Variants in SPATA31A6 observed in about 807,000 individuals in gnomAD.
SPATA31A6 encodes the protein SPATA31 subfamily A member 6.
A neutral mutation model predicts 11.9 loss-of-function variants in SPATA31A6; 9 were observed. That is an observed-to-expected ratio of 0.76 (90% confidence interval 0.46 to 1.32). SPATA31A6 has a LOEUF of 1.32. Among genes scored for constraint, SPATA31A6 ranks in the 40% most tolerant of loss-of-function variants. SPATA31A6 has a pLI of 0.00. For missense variants in SPATA31A6, 855 were observed against 1,467.3 expected (o/e 0.58, Z 6.82); for synonymous variants, 314 against 572.1 (o/e 0.55, Z 6.44).
chr9:42,189,174 C>T lies in SPATA31A6; in HGVS notation c.3472C>T (p.His1158Tyr). The change falls in exon 4 of 4, where the codon CAC becomes TAC. Residue 1158 changes from histidine to tyrosine, a missense_variant. Physicochemically the swap from His to Tyr is moderately conservative, Grantham distance 83. Coordinates refer to ENST00000332857, the MANE Select transcript of SPATA31A6 (RefSeq NM_001145196.1). ...PSKKQPPSVSHFGENIKQFFQ... is the reference protein window; with the variant it reads ...PSKKQPPSVSYFGENIKQFFQ... ...AAAGAAACAGCCTCCTTCAGTAAGC[C>T]ACTTTGGAGAAAACATCAAGCAATT... The T allele has an allele frequency of 6.5e-7, 1 of 1,543,992 alleles. No individual in the cohort carries two copies. The highest frequency in any genetic ancestry group is 8.8e-7 in the Non-Finnish European group (1 of 1,138,446).
At position 42,187,689 on chromosome 9, in the gene SPATA31A6, C is replaced by A. The variant is rs537119804; in HGVS notation, c.1987C>A (p.Leu663Met). The change falls in exon 4 of 4, where the codon CTG becomes ATG. Residue 663 changes from leucine to methionine, a missense_variant. Transcript: ENST00000332857. The stretch of plus-strand genomic sequence containing the variant: ...GGTGAAGTTCCAGCTAGAGAGGGAC[C>A]TGTGCCCACATCTGGGGCAAATTCT... ...QKVKFQLERDLCPHLGQILGE... is the reference protein window; with the variant it reads ...QKVKFQLERDMCPHLGQILGE... 1.9e-5 allele frequency: 29 copies of A among 1,520,972 alleles called. 4 individuals carry two copies. In the South Asian group the frequency reaches 3.1e-4, roughly 17 times the overall value. The allele number at this position is 1,520,972 out of a possible 1,614,324, so 94.2% of individuals were successfully genotyped here.
At position 42,186,884 on chromosome 9, in the gene SPATA31A6, A is replaced by G. The variant is rs756615829; in HGVS notation, c.1182A>G (p.Gly394=). The G allele has an allele frequency of 2.6e-6, 4 of 1,537,332 alleles. No homozygotes were observed. In the African/African-American group the frequency reaches 4.6e-5, roughly 18 times the overall value. ...GAGAGAACTCGAAACAGCTGCCCGG[A>G]CCTCAGAAGTGCTCAGATCCTAGGC... ...NMGENSKQLP[G]PQKCSDPRLL... The change falls in exon 4 of 4, where the codon GGA becomes GGG. Residue 394 remains glycine (G), a synonymous_variant. Transcript: ENST00000332857.
At position 42,186,708 on chromosome 9, in the gene SPATA31A6, G is replaced by A; in HGVS notation, c.1006G>A (p.Ala336Thr). 1 of 1,531,104 alleles carries A rather than the reference G, an allele frequency of 6.5e-7. No homozygotes were observed. The highest frequency in any genetic ancestry group is 8.8e-7 in the Non-Finnish European group (1 of 1,139,506). 94.8% of individuals were successfully genotyped at this position (1,531,104 alleles called of 1,614,324 possible). A position where few individuals can be genotyped will look rare whatever the true frequency, so the allele number is the denominator to read the frequency against. ...NVVGIQVTET[A>T]KVNIWEEKEN... Reference sequence around the variant, plus strand: ...CGTGGGGATACAAGTCACAGAAACAGCCAAGGTCAACATTTGGGAAGAAAA... The same window carrying A: ...CGTGGGGATACAAGTCACAGAAACAACCAAGGTCAACATTTGGGAAGAAAA... The change falls in exon 4 of 4, where the codon GCC becomes ACC. Residue 336 changes from alanine (A) to threonine (T), a missense_variant. Physicochemically the swap from Ala to Thr is moderately conservative, Grantham distance 58. Transcript: ENST00000332857.
Position 42,188,906 on chromosome 9 carries a change from A to G in SPATA31A6, c.3204A>G (p.Leu1068=), listed in dbSNP as rs760178379. Residue 1068 remains leucine (L), a synonymous_variant, in exon 4 of 4, where the codon CTA becomes CTG. Coordinates refer to ENST00000332857, the MANE Select transcript of SPATA31A6 (RefSeq NM_001145196.1). ...PTGNMRASQE[L]HDLMAARRSK... ...GGAACATGCGGGCTTCCCAGGAGCT[A>G]CATGACCTCATGGCAGCCAGAAGGA... is the stretch of plus-strand genomic sequence containing the variant. The G allele has an allele frequency of 1.3e-6, 2 of 1,539,940 alleles. No individual in the cohort carries two copies. Among genetic ancestry groups the G allele is most frequent in the East Asian group, 2.4e-5 (1 of 41,980 alleles).
chr9:42,189,260 A>G lies in SPATA31A6; in HGVS notation c.3558A>G (p.Gln1186=), dbSNP rs1293087491. The G allele has an allele frequency of 1.9e-6, 3 of 1,560,442 alleles. No individual in the cohort carries two copies. The highest frequency in any genetic ancestry group is 2.6e-6 in the Non-Finnish European group (3 of 1,151,102). Residue 1186 remains glutamine, a synonymous_variant, in exon 4 of 4, where the codon CAA becomes CAG. Transcript: ENST00000332857. The part of the protein sequence containing the change: ...SKPAPVTAES[Q]KTVKNRSCVY... ...CAGCACCAGTCACTGCTGAGAGCCA[A>G]AAAACAGTAAAAAACAGATCATGTG...
rs1307275303 is a variant in SPATA31A6, at chr9:42,189,290, C to T, written c.3588C>T (p.Tyr1196=). The change falls in exon 4 of 4, where the codon TAC becomes TAT. Residue 1196 remains tyrosine, a synonymous_variant. Coordinates refer to ENST00000332857, the MANE Select transcript of SPATA31A6 (RefSeq NM_001145196.1). ...CAGTAAAAAACAGATCATGTGTGTA[C>T]AGCAGCAGTGCTGAAGCTCAGGGTC... is the stretch of plus-strand genomic sequence containing the variant. The part of the protein sequence containing the change: ...QKTVKNRSCV[Y]SSSAEAQGLM... The T allele has an allele frequency of 5.8e-6, 9 of 1,559,500 alleles. 1 individual carries two copies. The highest frequency in any genetic ancestry group is 7.0e-6 in the Non-Finnish European group (8 of 1,149,534).
intron 1 of SPATA31A6, among the ~76,000 whole-genome samples, chr9:42,184,482 T>TGTGTGTG (rs1491231633): frequency 4.8e-5 from 5 of 105,070 alleles, no homozygotes; most frequent in Non-Finnish European, 7.8e-5. Flanking sequence ...TGTGTGTGTG[T>TGTGTGTG]TATTTTTATT....
Position 42,186,597 on chromosome 9 carries a change from CA to C in SPATA31A6, c.897del (p.Asp300IlefsTer55), listed in dbSNP as rs1295210788. On this transcript the variant is annotated frameshift_variant, in exon 4 of 4. Transcript: ENST00000332857. LOFTEE classifies it low-confidence loss of function (END_TRUNC). ...GTGCGCCTTTAACTCATCAGTCCAG[CA>C]AGATCCTCTTTCCCGCCACCCACCA... The part of the protein sequence containing the change: ...TSCAFNSSVQ[Q>X]DPLSRHPPET... The C allele has an allele frequency of 2.0e-6, 3 of 1,532,714 alleles. 1 individual carries two copies. The highest frequency in any genetic ancestry group is 3.1e-5 in the African/African-American group (2 of 64,102). 94.9% of individuals were successfully genotyped at this position (1,532,714 alleles called of 1,614,324 possible).
Position 42,184,439 on chromosome 9 carries a change from CTGTGTGTGTGTGTG to C in SPATA31A6, c.189+593_190-587del, listed in dbSNP as rs71364261. On this transcript the variant is annotated intron_variant, in intron 1 of 3. Coordinates refer to ENST00000332857, the MANE Select transcript of SPATA31A6 (RefSeq NM_001145196.1). ...GGTGGACCTCATATTGAAAATCCCTCTGTGTGTGTGTGTGTGTGTGTGTGTGTGTGTGTGTGTGT... is the reference window on the plus strand; with the variant it reads ...GGTGGACCTCATATTGAAAATCCCTCTGTGTGTGTGTGTGTGTGTGTGTGT... 2.4e-4 allele frequency among the ~76,000 whole-genome samples: 24 copies of C among 102,052 alleles called. 1 individual carries two copies. Among genetic ancestry groups the C allele is most frequent in the African/African-American group, 8.3e-4 (19 of 22,816 alleles). The allele number at this position is 102,052 out of a possible 152,430, so 67.0% of individuals were successfully genotyped here.
At position 42,185,827 on chromosome 9, in the gene SPATA31A6, G is replaced by A. The variant is rs1829436218; in HGVS notation, c.308+72G>A. The A allele has an allele frequency of 5.9e-6, 7 of 1,185,532 alleles. 1 individual carries two copies. Among genetic ancestry groups the A allele is most frequent in the Middle Eastern group, 2.9e-4 (1 of 3,470 alleles). 73.4% of individuals were successfully genotyped at this position (1,185,532 alleles called of 1,614,324 possible). A position where few individuals can be genotyped will look rare whatever the true frequency, so the allele number is the denominator to read the frequency against. On this transcript the variant is annotated intron_variant, in intron 3 of 3. Coordinates refer to ENST00000332857, the MANE Select transcript of SPATA31A6 (RefSeq NM_001145196.1). ...ATGACCCAAGGGCCACAGGCAGCCT[G>A]GAGCTGACCTGGGATGGGGAGACCA...
chr9:42,185,992 T>C lies in SPATA31A6; in HGVS notation c.309-19T>C, dbSNP rs1390061618. 7.1e-7 allele frequency: 1 copy of C among 1,401,530 alleles called. No homozygotes were observed. The highest frequency in any genetic ancestry group is 2.7e-5 in the East Asian group (1 of 37,338). The allele number at this position is 1,401,530 out of a possible 1,614,324, so 86.8% of individuals were successfully genotyped here. On this transcript the variant is annotated intron_variant, in intron 3 of 3. Coordinates refer to ENST00000332857, the MANE Select transcript of SPATA31A6 (RefSeq NM_001145196.1). ...CCCACCGGCTCCTGGCTGCAGCTCG[T>C]GCCTCCTGTCTCCTGCAGCCTCCTG...
rs1170269254 is a variant in SPATA31A6, at chr9:42,189,278, A to T, written c.3576A>T (p.Arg1192Ser). 6.4e-7 allele frequency: 1 copy of T among 1,561,566 alleles called. No homozygotes were observed. The highest frequency in any genetic ancestry group is 8.7e-7 in the Non-Finnish European group (1 of 1,151,818). Residue 1192 changes from arginine to serine, a missense_variant, in exon 4 of 4, where the codon AGA (arginine) becomes AGT (serine). Arg to Ser is a moderately radical substitution (Grantham distance 110). Coordinates refer to ENST00000332857, the MANE Select transcript of SPATA31A6 (RefSeq NM_001145196.1). ...TAESQKTVKN[R>S]SCVYSSSAEA... ...AGAGCCAAAAAACAGTAAAAAACAG[A>T]TCATGTGTGTACAGCAGCAGTGCTG... is the stretch of plus-strand genomic sequence containing the variant.
In SPATA31A6 at chr9:42,185,034, G is replaced by T; in HGVS notation, c.190-35G>T. 6 of 1,534,134 alleles carry T rather than the reference G, an allele frequency of 3.9e-6. 1 individual carries two copies. Among genetic ancestry groups the T allele is most frequent in the Non-Finnish European group, 5.3e-6 (6 of 1,134,698 alleles). On this transcript the variant is annotated intron_variant, in intron 1 of 3. Transcript: ENST00000332857. ...TCCCATTGTCATCTTGTCTCTCCGC[G>T]TCATCTTGTCTCCGTACGTCATCAT...
At position 42,188,933 on chromosome 9, in the gene SPATA31A6, C is replaced by A. The variant is rs776471337; in HGVS notation, c.3231C>A (p.Ser1077Arg). The A allele has an allele frequency of 2.6e-6, 4 of 1,541,134 alleles. No individual in the cohort carries two copies. Among genetic ancestry groups the A allele is most frequent in the African/African-American group, 1.5e-5 (1 of 64,520 alleles). The part of the protein sequence containing the change: ...ELHDLMAARR[S>R]KLVQEEPRNP... Reference sequence around the variant, plus strand: ...ATGACCTCATGGCAGCCAGAAGGAGCAAACTGGTGCAAGAGGAGCCCAGAA... The same window carrying A: ...ATGACCTCATGGCAGCCAGAAGGAGAAAACTGGTGCAAGAGGAGCCCAGAA... Residue 1077 changes from serine (S) to arginine (R), a missense_variant, in exon 4 of 4, where the codon AGC becomes AGA. Transcript: ENST00000332857.
At chr9:42,184,479 G>C (rs1452022610) in intron 1 of SPATA31A6, among the ~76,000 whole-genome samples, 1 of 105,944 alleles carries the variant, frequency 9.4e-6, no homozygotes, top group Non-Finnish European at 2.0e-5. Context: ...GTGTGTGTGT[G>C]TGTTATTTTT....
chr9:42,189,497 A>G lies in SPATA31A6; in HGVS notation c.3795A>G (p.Gln1265=). Residue 1265 remains glutamine, a synonymous_variant, in exon 4 of 4, where the codon CAA becomes CAG. Transcript: ENST00000332857. ...TACTGAGCTATGCAGCCAGCAGTCA[A>G]CAAGCCACTCTCAAGAGCCAGGGTT... ...GRILSYAASS[Q]QATLKSQGCP... 1.3e-6 allele frequency: 2 copies of G among 1,561,908 alleles called. No homozygotes were observed. The highest frequency in any genetic ancestry group is 1.7e-6 in the Non-Finnish European group (2 of 1,158,106).
rs769051857 is a variant in SPATA31A6 at position 42,186,994 on chromosome 9, C to T, written c.1292C>T (p.Ala431Val). Residue 431 changes from alanine to valine, a missense_variant, in exon 4 of 4, where the codon GCC becomes GTC. By Grantham distance (64) the Ala-to-Val change is moderately conservative. Coordinates refer to ENST00000332857, the MANE Select transcript of SPATA31A6 (RefSeq NM_001145196.1). ...CACAGCGAGTCCCTGGTGGCTAACG[C>T]CTGGGTAACTGACAGGTCTTATACT... ...SLHSESLVAN[A>V]WVTDRSYTLQ... 35 of 1,546,210 alleles carry T rather than the reference C, an allele frequency of 2.3e-5. 7 individuals are homozygous for T. The highest frequency in any genetic ancestry group is 2.9e-5 in the Non-Finnish European group (33 of 1,142,032).
chr9:42,186,843 C>G lies in SPATA31A6; in HGVS notation c.1141C>G (p.Pro381Ala). 8 of 1,535,480 alleles carry G rather than the reference C, an allele frequency of 5.2e-6. 1 individual carries two copies. The highest frequency in any genetic ancestry group is 5.3e-6 in the Non-Finnish European group (6 of 1,142,276). ...TGAGCAGGACACCACAAACCCAAAACCCTTCTGGAACATGGGAGAGAACTC... is the reference window on the plus strand; with the variant it reads ...TGAGCAGGACACCACAAACCCAAAAGCCTTCTGGAACATGGGAGAGAACTC... ...DAEQDTTNPKPFWNMGENSKQ... is the reference protein window; with the variant it reads ...DAEQDTTNPKAFWNMGENSKQ... Residue 381 changes from proline (P) to alanine (A), a missense_variant, in exon 4 of 4, where the codon CCC becomes GCC. Pro to Ala is a conservative substitution (Grantham distance 27, BLOSUM62 -1). Transcript: ENST00000332857.
At position 42,187,257 on chromosome 9, in the gene SPATA31A6, G is replaced by A. The variant is rs764586142; in HGVS notation, c.1555G>A (p.Val519Ile). 18 of 1,542,422 alleles carry A rather than the reference G, an allele frequency of 1.2e-5. 2 individuals are homozygous for A. The highest frequency in any genetic ancestry group is 8.8e-5 in the Admixed American group (5 of 57,100). Residue 519 changes from valine (V) to isoleucine (I), a missense_variant, in exon 4 of 4, where the codon GTA (valine) becomes ATA (isoleucine). Val to Ile is a conservative substitution (Grantham distance 29). Transcript: ENST00000332857. ...TCCATCCCTGATTAAGAACACTGGA[G>A]TAGCTTGCCCTGCATCGCAGAATAA... is the stretch of plus-strand genomic sequence containing the variant. The part of the protein sequence containing the change: ...AFPSLIKNTG[V>I]ACPASQNKVQ...
Sources: gnomAD v4.1 joint callset for allele counts (sites outside exome capture counted in the v4.1 genomes callset) on GRCh38, gnomAD v4.1.1 for gene constraint, MANE v1.5 for transcripts, NCBI Gene and HGNC (gene_info 2026-07-23, HGNC 2026-07-21) for gene names.